The following GLIS3 variants were observed in gnomAD, a reference collection of about 807,000 sequenced individuals.
GLIS3 encodes the protein GLIS family zinc finger 3, also known as zinc finger protein GLIS3.
Under a neutral mutation model 78.6 loss-of-function variants are expected in GLIS3, and 53 were observed. That is an observed-to-expected ratio of 0.67 (90% CI 0.54 to 0.85). GLIS3 has a LOEUF of 0.85. Ranked by LOEUF, GLIS3 falls within the 40% of genes least tolerant of loss-of-function variation. The probability of loss-of-function intolerance (pLI) is 0.00; values close to 1 mark genes in which losing one functional copy is unlikely to be tolerated. For synonymous variants in GLIS3, 684 were observed against 509.9 expected (o/e 1.34, Z -4.60); for missense variants, 1,703 against 1,231.1 (o/e 1.38, Z -5.74).
chr9:3,937,042 T>C lies in GLIS3; in HGVS notation c.1858A>G (p.Thr620Ala). ...GCCATTCTTACGGTGTCCAGATGCGTCCGCTGGTGTTTGGCGCGGTCACTG... is the reference window on the plus strand; with the variant it reads ...GCCATTCTTACGGTGTCCAGATGCGCCCGCTGGTGTTTGGCGCGGTCACTG... ...NSSDRAKHQR[T>A]HLDTKPYACQ... The change falls in exon 5 of 11, where the codon ACG becomes GCG. Residue 620 changes from threonine (T) to alanine (A), a missense_variant. By Grantham distance (58) the Thr-to-Ala change is moderately conservative. Coordinates refer to ENST00000381971, the MANE Select transcript of GLIS3 (RefSeq NM_001042413.2). The C allele has an allele frequency of 6.2e-7, 1 of 1,612,920 alleles. No homozygotes were observed. The highest frequency in any genetic ancestry group is 8.5e-7 in the Non-Finnish European group (1 of 1,179,982).
intron 2 of GLIS3, among the ~76,000 whole-genome samples, chr9:4,239,922 AG>A (rs796155134): frequency 2.9e-4 from 44 of 152,360 alleles, no homozygotes; most frequent in African/African-American, 1.0e-3. Flanking sequence ...AAAGGATAAC[AG>A]CCCCATCTCA....
chr9:4,248,439 A>G (rs1374405069), intron 2 of GLIS3, among the ~76,000 whole-genome samples: 1 of 152,184 alleles, frequency 6.6e-6, no homozygotes, highest in Non-Finnish European at 1.5e-5. Context: ...TTATGGCTGC[A>G]TAGTATTCCA....
intron 2 of GLIS3, among the ~76,000 whole-genome samples, chr9:4,314,401 C>T (rs1817408792): frequency 6.6e-6 from 1 of 152,182 alleles, no homozygotes; most frequent in African/African-American, 2.4e-5. Context: ...TCAACTTCCC[C>T]ACTCCATGCA....
At chr9:4,014,755 G>A (rs1488300566) in intron 4 of GLIS3, among the ~76,000 whole-genome samples, 7 of 152,190 alleles carry the variant, frequency 4.6e-5, no homozygotes, top group Admixed American at 2.6e-4. Context: ...AACTAGTACA[G>A]AAATCACCTC....
rs555483763 is a variant in GLIS3, at chr9:3,939,615, G to C, written c.1711-2426C>G. Among the ~76,000 whole-genome samples, 3 of 152,124 alleles carry C rather than the reference G, an allele frequency of 2.0e-5. No individual in the cohort carries two copies. The South Asian group carries it at 6.2e-4, about 32-fold the overall frequency. ...CCTAGACTGAAAATGACAACAAAAAGATTATCCGTAAAATAATCAAAATCC... is the reference window on the plus strand; with the variant it reads ...CCTAGACTGAAAATGACAACAAAAACATTATCCGTAAAATAATCAAAATCC... On this transcript the variant is annotated intron_variant, in intron 4 of 10. Coordinates refer to ENST00000381971, the MANE Select transcript of GLIS3 (RefSeq NM_001042413.2).
At chr9:4,389,570 T>G in the GLIS3 span, among the ~76,000 whole-genome samples, 3 of 151,960 alleles carry the variant, frequency 2.0e-5, no homozygotes, top group Admixed American at 6.6e-5. Context: ...AAATTTAGAG[T>G]TCAATAGAAG....
At chr9:4,393,049 T>C in the GLIS3 span, among the ~76,000 whole-genome samples, 1 of 152,190 alleles carries the variant, frequency 6.6e-6, no homozygotes. Context: ...ATGACTTGCA[T>C]AATGGTGTGT....
chr9:4,390,665 T>C, the GLIS3 span, among the ~76,000 whole-genome samples: 1 of 152,130 alleles, frequency 6.6e-6, no homozygotes, highest in African/African-American at 2.4e-5. Context: ...AGTTAGGAAA[T>C]CACCTTTCTC....
intron 9 of GLIS3, among the ~76,000 whole-genome samples, chr9:3,850,319 C>G (rs920169343): frequency 6.6e-6 from 1 of 152,204 alleles, no homozygotes; most frequent in East Asian, 1.9e-4. Context: ...AGGGAGCCCC[C>G]TGGGACTGTG....
chr9:3,861,033 A>T (rs1290544763), intron 8 of GLIS3, among the ~76,000 whole-genome samples: 1 of 152,228 alleles, frequency 6.6e-6, no homozygotes, highest in Non-Finnish European at 1.5e-5. Flanking sequence ...TTTTAAATTG[A>T]GAAGTCAGGA....
the GLIS3 span, among the ~76,000 whole-genome samples, chr9:4,427,821 T>C: frequency 6.6e-6 from 1 of 151,486 alleles, no homozygotes; most frequent in African/African-American, 2.4e-5. Flanking sequence ...ATTGTGCCAC[T>C]GCACTCCAGC....
At chr9:4,433,488 G>C in the GLIS3 span, among the ~76,000 whole-genome samples, 1 of 152,156 alleles carries the variant, frequency 6.6e-6, no homozygotes, top group East Asian at 1.9e-4. Context: ...AAGTTTCTCA[G>C]TTAGCACATA....
intron 2 of GLIS3, among the ~76,000 whole-genome samples, chr9:4,214,925 T>C (rs146372434): frequency 1.5e-3 from 234 of 152,320 alleles, no homozygotes; most frequent in Admixed American, 4.2e-3. Flanking sequence ...CAGGCTCACC[T>C]GGACTTTAAA....
the GLIS3 span, among the ~76,000 whole-genome samples, chr9:4,453,941 A>T: frequency 6.6e-6 from 1 of 152,266 alleles, no homozygotes; most frequent in Admixed American, 6.5e-5. Context: ...GCACATGTAT[A>T]CCTATGTAAC....
chr9:4,188,920 A>T (rs552922119), intron 2 of GLIS3, among the ~76,000 whole-genome samples: 13 of 152,170 alleles, frequency 8.5e-5, no homozygotes, highest in East Asian at 1.9e-4. Context: ...GCGGTCTATC[A>T]ATTTTGTTGA....
chr9:4,380,906 A>G, the GLIS3 span, among the ~76,000 whole-genome samples: 2 of 152,126 alleles, frequency 1.3e-5, no homozygotes, highest in African/African-American at 4.8e-5. Context: ...CACAGGAGCT[A>G]GTTAGTGAAA....
At chr9:4,257,527 G>A (rs963077669) in intron 2 of GLIS3, among the ~76,000 whole-genome samples, 8 of 152,100 alleles carry the variant, frequency 5.3e-5, no homozygotes, top group African/African-American at 1.7e-4. Flanking sequence ...TATATAAGAT[G>A]ATAGACATGT....
chr9:4,459,043 GA>G, the GLIS3 span, among the ~76,000 whole-genome samples: 1 of 152,118 alleles, frequency 6.6e-6, no homozygotes, highest in Non-Finnish European at 1.5e-5. Context: ...CAAGTCACTG[GA>G]AAATAATGAG....
rs1831935368 is a variant in GLIS3 at position 4,118,683 on chromosome 9, G to C, written c.795C>G (p.Val265=). Reference sequence around the variant, plus strand: ...AAAGGTAGGATGGTAATGAGTTAGAGACACTATTGCTGGACATGGATGTCC... The same window carrying C: ...AAAGGTAGGATGGTAATGAGTTAGACACACTATTGCTGGACATGGATGTCC... ...PPGTSMSSNS[V]SNSLPSYLFG... Residue 265 remains valine (V), a synonymous_variant, in exon 4 of 11, where the codon GTC becomes GTG. Coordinates refer to ENST00000381971, the MANE Select transcript of GLIS3 (RefSeq NM_001042413.2). This position sits in a 1 kb window ranked among gnomAD's most constrained non-coding sequence, Gnocchi z 4.7. 6.2e-7 allele frequency: 1 copy of C among 1,614,016 alleles called. No homozygotes were observed. The highest frequency in any genetic ancestry group is 1.3e-5 in the African/African-American group (1 of 74,914).
Sources: gnomAD v4.1 joint callset for allele counts (sites outside exome capture counted in the v4.1 genomes callset) on GRCh38, gnomAD v4.1.1 for gene constraint, Gnocchi (gnomAD v3.1) non-coding constraint, MANE v1.5 for transcripts, NCBI Gene and HGNC (gene_info 2026-07-23, HGNC 2026-07-21) for gene names.